The following THBS4 variants were observed in gnomAD, a reference collection of about 807,000 sequenced individuals.
The protein encoded by THBS4 is thrombospondin 4, also known as thrombospondin-4.
A neutral mutation model predicts 115.7 loss-of-function variants in THBS4; 90 were observed. The observed-to-expected ratio is 0.78, with a 90% CI of 0.66 to 0.93. The LOEUF (loss-of-function observed/expected upper bound fraction) is 0.93, where lower values mean the gene tolerates loss of function less well. Among genes scored for constraint, THBS4 ranks in the 40% least tolerant of loss-of-function variants. The pLI, the probability that THBS4 is intolerant of heterozygous loss-of-function variation, is 0.00. For missense variants in THBS4, 1,087 were observed against 1,232.7 expected (o/e 0.88, Z 1.77); for synonymous variants, 460 against 479.3 (o/e 0.96, Z 0.53).
chr5:80,060,031 A>G, intron 7 of THBS4, 126 bp downstream of exon 7: 1 of 859,862 alleles, frequency 1.2e-6, no homozygotes, highest in Non-Finnish European at 1.8e-6. Context: ...CATTGAAACC[A>G]CTTGCTTGGA....
intron 2 of THBS4, among the ~76,000 whole-genome samples, chr5:80,021,131 A>C (rs1003300777): frequency 6.1e-4 from 93 of 152,242 alleles, no homozygotes; most frequent in African/African-American, 2.2e-3. Context: ...TCAACCGAGA[A>C]ACAGTTTTGT....
intron 2 of THBS4, among the ~76,000 whole-genome samples, chr5:80,001,895 C>A (rs1359314957): frequency 6.6e-6 from 1 of 152,142 alleles, no homozygotes; most frequent in African/African-American, 2.4e-5. Context: ...TCTCCAAAGC[C>A]ATGATTTTTA....
At chr5:80,082,110 T>G (rs1743535627) in intron 20 of THBS4, 2 of 322,428 alleles carry the variant, frequency 6.2e-6, no homozygotes, top group Non-Finnish European at 1.1e-5. Context: ...TTAACTCAAG[T>G]TTGATAGTGT....
intron 2 of THBS4, among the ~76,000 whole-genome samples, chr5:80,024,735 G>A (rs543532698): frequency 2.0e-5 from 3 of 152,266 alleles, no homozygotes; most frequent in African/African-American, 7.2e-5. Context: ...CTAAAAAACT[G>A]AGTTTTTGGC....
chr5:80,082,992 C>T (rs749590114), intron 21 of THBS4, 88 bp from the exon 22 acceptor site: 7 of 1,203,398 alleles, frequency 5.8e-6, no homozygotes, highest in Non-Finnish European at 7.3e-6. Flanking sequence ...AACAGCGCCC[C>T]CTACAGGACG....
chr5:80,005,566 G>C (rs1831997938), intron 2 of THBS4, among the ~76,000 whole-genome samples: 1 of 152,058 alleles, frequency 6.6e-6, no homozygotes, highest in Middle Eastern at 3.4e-3. Context: ...CTAGAGAACT[G>C]GGGTCCAGGC....
chr5:80,060,002 TG>T (rs1368315313), intron 7 of THBS4, 97 bp downstream of exon 7: 1 of 1,223,890 alleles, frequency 8.2e-7, no homozygotes, highest in Non-Finnish European at 1.2e-6. Flanking sequence ...AGGGCTGACT[TG>T]GGCTGTCCTC....
At chr5:80,080,192 T>C (rs1015001234) in intron 20 of THBS4, 115 bp downstream of exon 20, 1 of 1,285,404 alleles carries the variant, frequency 7.8e-7, no homozygotes, top group African/African-American at 1.5e-5. Context: ...CCCAAGGACA[T>C]GCCAGGACTT....
At chr5:80,024,751 A>G (rs1832442199) in intron 2 of THBS4, among the ~76,000 whole-genome samples, 1 of 152,232 alleles carries the variant, frequency 6.6e-6, no homozygotes, top group Admixed American at 6.5e-5. Flanking sequence ...TTGGCTTCAC[A>G]TAATATGTGA....
rs542524690 is a variant in THBS4 at position 80,055,920 on chromosome 5, T to G, written c.428T>G (p.Leu143Arg). 64 of 1,614,196 alleles carry G rather than the reference T, an allele frequency of 4.0e-5. 1 individual carries two copies. The South Asian group carries it at 6.3e-4, about 16-fold the overall frequency. Residue 143 changes from leucine to arginine, a missense_variant, in exon 3 of 22, where the codon CTC becomes CGC. Around this residue, in one of 3 missense-constraint regions of THBS4, gnomAD observed 979 missense variants for 1,103.7 expected, o/e 0.89. Transcript: ENST00000350881. ...CAGCGAGGGGCCGGCTCCCTAGAGC[T>G]CTACCTGGACTGCATCCAGGTGGAT... is the stretch of plus-strand genomic sequence containing the variant. ...NLQRGAGSLE[L>R]YLDCIQVDSV...
chr5:80,073,387 T>G, intron 15 of THBS4, 60 bp downstream of exon 15: 7 of 1,489,076 alleles, frequency 4.7e-6, no homozygotes, highest in Non-Finnish European at 2.8e-6. Flanking sequence ...GGGTTTTTGG[T>G]TTGTTTTTTT....
intron 15 of THBS4, 28 bp downstream of exon 15, chr5:80,073,355 G>A: frequency 6.2e-7 from 1 of 1,607,846 alleles, no homozygotes; most frequent in Non-Finnish European, 8.5e-7. Context: ...ACTGCAGAGA[G>A]ACAGATGCAA....
chr5:80,005,212 A>G (rs1343762617), intron 2 of THBS4, among the ~76,000 whole-genome samples: 1 of 152,160 alleles, frequency 6.6e-6, no homozygotes, highest in African/African-American at 2.4e-5. Context: ...TAGTGCCTTA[A>G]TGCTACTAAA....
At position 80,035,942 on chromosome 5, in the gene THBS4, C is replaced by G; in HGVS notation, c.88+317C>G. 2 of 1,042,650 alleles carry G rather than the reference C, an allele frequency of 1.9e-6. No homozygotes were observed. The highest frequency in any genetic ancestry group is 2.3e-6 in the Non-Finnish European group (2 of 858,444). 64.6% of individuals were successfully genotyped at this position (1,042,650 alleles called of 1,614,324 possible). A position where few individuals can be genotyped will look rare whatever the true frequency, so the allele number is the denominator to read the frequency against. On this transcript the variant is annotated intron_variant, in intron 1 of 21. Coordinates refer to ENST00000350881, the MANE Select transcript of THBS4 (RefSeq NM_003248.6). The surrounding 1 kb of genome is among the most constrained non-coding windows in gnomAD (Gnocchi z 4.6). ...CCTAGACCTCTTAACATGTTAGGCT[C>G]TGGTGTAGGGTGAATTCCGGGTCCT...
chr5:80,021,396 T>C (rs2151158560), intron 2 of THBS4, among the ~76,000 whole-genome samples: 1 of 152,088 alleles, frequency 6.6e-6, no homozygotes, highest in Non-Finnish European at 1.5e-5. Flanking sequence ...TTTTGAAAAA[T>C]AGTTGATTTT....
intron 1 of THBS4, among the ~76,000 whole-genome samples, chr5:79,993,951 G>A (rs1171170318): frequency 6.6e-6 from 1 of 152,168 alleles, no homozygotes. Flanking sequence ...AACAAACACT[G>A]AATAGAAAAA....
intron 2 of THBS4, among the ~76,000 whole-genome samples, chr5:80,029,504 T>G (rs1470569143): frequency 2.6e-5 from 4 of 152,226 alleles, no homozygotes; most frequent in Non-Finnish European, 5.9e-5. Flanking sequence ...TTTCTAAGGA[T>G]TTTACACTTT....
intron 1 of THBS4, among the ~76,000 whole-genome samples, 178 bp from the exon 2 acceptor site, chr5:80,039,899 C>T (rs1226457246): frequency 1.3e-5 from 2 of 152,140 alleles, no homozygotes; most frequent in African/African-American, 4.8e-5. Context: ...AAATGTCCAG[C>T]CACTATAAAA....
chr5:80,002,094 A>G (rs1026596443), intron 2 of THBS4, among the ~76,000 whole-genome samples: 5 of 152,178 alleles, frequency 3.3e-5, no homozygotes, highest in African/African-American at 1.2e-4. Context: ...CTAGTCCCAT[A>G]TTTTATACCA....
Sources: gnomAD v4.1 joint callset for allele counts (sites outside exome capture counted in the v4.1 genomes callset) on GRCh38, gnomAD v4.1.1 for gene constraint, gnomAD v4.1.1 regional missense constraint, Gnocchi (gnomAD v3.1) non-coding constraint, MANE v1.5 for transcripts, NCBI Gene and HGNC (gene_info 2026-07-23, HGNC 2026-07-21) for gene names.